The following SPHKAP variants were observed in gnomAD, a reference collection of about 807,000 sequenced individuals.
SPHKAP encodes A-kinase anchor protein SPHKAP.
SPHKAP carries 67 observed loss-of-function variants against 137.5 expected under a neutral mutation model. That is an observed-to-expected ratio of 0.49 (90% CI 0.40 to 0.60). SPHKAP has a LOEUF of 0.60. Among genes scored for constraint, SPHKAP ranks in the 20% least tolerant of loss-of-function variants. The pLI is 0.00. For synonymous variants in SPHKAP, 813 were observed against 785.3 expected (o/e 1.04, Z -0.59); for missense variants, 2,097 against 2,069.3 (o/e 1.01, Z -0.26).
At chr2:227,992,552 A>G (rs1055884381) in intron 9 of SPHKAP, among the ~76,000 whole-genome samples, 8 of 152,248 alleles carry the variant, frequency 5.3e-5, no homozygotes, top group Non-Finnish European at 1.0e-4. Context: ...AAAGAGAAAA[A>G]TAAATTTACC....
intron 7 of SPHKAP, among the ~76,000 whole-genome samples, chr2:228,010,628 T>G (rs1419933414): frequency 6.6e-6 from 1 of 152,186 alleles, no homozygotes; most frequent in East Asian, 1.9e-4. Flanking sequence ...CATTTATCTT[T>G]AAAGCTCTCT....
intron 3 of SPHKAP, among the ~76,000 whole-genome samples, chr2:228,098,254 A>G (rs540492769): frequency 1.2e-4 from 19 of 152,078 alleles, no homozygotes; most frequent in African/African-American, 4.6e-4. Context: ...GCATTTTTTC[A>G]TATATTTGTT....
intron 4 of SPHKAP, chr2:228,025,980 G>T (rs1485851541): frequency 4.6e-6 from 2 of 433,920 alleles, no homozygotes; most frequent in East Asian, 1.6e-4. Flanking sequence ...CCTGGTGGGA[G>T]ATGATTGGAT....
At chr2:227,988,854 A>G (rs547199643) in intron 11 of SPHKAP, among the ~76,000 whole-genome samples, 1 of 152,322 alleles carries the variant, frequency 6.6e-6, no homozygotes, top group South Asian at 2.1e-4. Context: ...AGGAGAATTT[A>G]TCAAATAGTG....
chr2:227,992,279 A>G (rs903214342), intron 9 of SPHKAP, among the ~76,000 whole-genome samples: 3 of 152,232 alleles, frequency 2.0e-5, no homozygotes, highest in East Asian at 1.9e-4. Context: ...GAGAAAGAGT[A>G]TAGTAATTCT....
chr2:228,014,061 T>C (rs1265784688), intron 7 of SPHKAP, among the ~76,000 whole-genome samples: 2 of 152,220 alleles, frequency 1.3e-5, no homozygotes, highest in Non-Finnish European at 2.9e-5. Flanking sequence ...CATTGAATTG[T>C]ACCTATTTTA....
chr2:228,089,501 G>C (rs1231713220), intron 3 of SPHKAP, among the ~76,000 whole-genome samples: 1 of 152,226 alleles, frequency 6.6e-6, no homozygotes, highest in East Asian at 1.9e-4. Flanking sequence ...AAGAATCCAA[G>C]CAGGCTGTGG....
rs4309571 is a variant in SPHKAP, at chr2:228,163,920, A to C, written c.32+17647T>G. On this transcript the variant is annotated intron_variant, in intron 1 of 11. Transcript: ENST00000392056. ...TTAGCTGTCAACTTGATTGGATTGA[A>C]AGATGCCTTGATGGCTGGTAGAGTA... 3.9e-3 allele frequency among the ~76,000 whole-genome samples: 599 copies of C among 152,230 alleles called. 3 individuals are homozygous for C. Among genetic ancestry groups the C allele is most frequent in the African/African-American group, 0.014 (561 of 41,542 alleles).
intron 6 of SPHKAP, 107 bp from the exon 7 acceptor site, chr2:228,020,263 C>A (rs1003561799): frequency 5.6e-6 from 8 of 1,427,854 alleles, no homozygotes; most frequent in South Asian, 5.6e-5. Context: ...AAGACACATG[C>A]ACACATATGT....
chr2:228,146,639 T>A lies in SPHKAP; in HGVS notation c.33-14554A>T, dbSNP rs139731243. On this transcript the variant is annotated intron_variant, in intron 1 of 11. Transcript: ENST00000392056. ...TGCATGTGTTCTCATCACTGATAAG[T>A]GAGAACATGCAGTATTTGGTTTTCT... 9.2e-5 allele frequency among the ~76,000 whole-genome samples: 14 copies of A among 152,356 alleles called. No individual in the cohort carries two copies. The East Asian group carries it at 2.5e-3, about 27-fold the overall frequency.
Position 228,019,754 on chromosome 2 carries a change from T to C in SPHKAP, c.1100A>G (p.Asn367Ser), listed in dbSNP as rs970066512. ...CAVAEQRSNL[N>S]PGDHEDTRNA... ...TCTTGTGTCTTCATGGTCTCCTGGG[T>C]TTAGGTTGCTTCTCTGCTCTGCCAC... Residue 367 changes from asparagine (N) to serine (S), a missense_variant, in exon 7 of 12, where the codon AAC becomes AGC. Coordinates refer to ENST00000392056, the MANE Select transcript of SPHKAP (RefSeq NM_001142644.2). 1 of 1,614,028 alleles carries C rather than the reference T, an allele frequency of 6.2e-7. No homozygotes were observed. The highest frequency in any genetic ancestry group is 1.7e-5 in the Admixed American group (1 of 59,996).
chr2:228,176,963 T>C (rs1447814226), intron 1 of SPHKAP, among the ~76,000 whole-genome samples: 1 of 152,146 alleles, frequency 6.6e-6, no homozygotes, highest in African/African-American at 2.4e-5. Flanking sequence ...TCCTTACAAT[T>C]ATTTGTAGCT....
At position 228,146,520 on chromosome 2, in the gene SPHKAP, G is replaced by A. The variant is rs528217704; in HGVS notation, c.33-14435C>T. Among the ~76,000 whole-genome samples, 88 of 152,210 alleles carry A rather than the reference G, an allele frequency of 5.8e-4. 1 individual carries two copies. The South Asian group carries it at 0.018, about 32-fold the overall frequency. On this transcript the variant is annotated intron_variant, in intron 1 of 11. Transcript: ENST00000392056. The stretch of plus-strand genomic sequence containing the variant: ...TGTGTACAGATTATTTCATCACCCA[G>A]GTATTAAGCCCAGCACCCAATAGTT...
chr2:228,131,096 C>T (rs1291196408), intron 2 of SPHKAP, among the ~76,000 whole-genome samples: 1 of 151,830 alleles, frequency 6.6e-6, no homozygotes, highest in Non-Finnish European at 1.5e-5. Flanking sequence ...ACTGGGTATA[C>T]ATATATATAT....
chr2:228,006,784 T>C lies in SPHKAP; in HGVS notation c.4448+9622A>G, dbSNP rs28855101. On this transcript the variant is annotated intron_variant, in intron 7 of 11. Coordinates refer to ENST00000392056, the MANE Select transcript of SPHKAP (RefSeq NM_001142644.2). The stretch of plus-strand genomic sequence containing the variant: ...GTCAGGACCCTCAGCTGCAGGTCTG[T>C]TGGAGTTTGCTGGAGGTCCACTCCA... Among the ~76,000 whole-genome samples, 490 of 152,324 alleles carry C rather than the reference T, an allele frequency of 3.2e-3. 9 individuals are homozygous for C. Among genetic ancestry groups the C allele is most frequent in the African/African-American group, 0.01 (428 of 41,582 alleles).
chr2:228,157,631 G>T (rs1206248380), intron 1 of SPHKAP, among the ~76,000 whole-genome samples: 1 of 151,868 alleles, frequency 6.6e-6, no homozygotes, highest in African/African-American at 2.4e-5. Flanking sequence ...GAGTCTATTT[G>T]TCTCATTGCA....
At chr2:228,152,982 G>T (rs1699981858) in intron 1 of SPHKAP, among the ~76,000 whole-genome samples, 1 of 152,108 alleles carries the variant, frequency 6.6e-6, no homozygotes, top group East Asian at 1.9e-4. Context: ...TGTTCTCGTG[G>T]TTTTAAGTCT....
At chr2:228,070,355 G>C (rs1048538928) in intron 3 of SPHKAP, among the ~76,000 whole-genome samples, 1 of 152,232 alleles carries the variant, frequency 6.6e-6, no homozygotes, top group Non-Finnish European at 1.5e-5. Flanking sequence ...GGATGAAGTA[G>C]AGGAGGCGGA....
intron 1 of SPHKAP, among the ~76,000 whole-genome samples, chr2:228,155,224 ATT>A (rs547576482): frequency 6.9e-6 from 1 of 144,746 alleles, no homozygotes. Flanking sequence ...ACCATTGTTC[ATT>A]TTTTTTTTTG....
Sources: gnomAD v4.1 joint callset for allele counts (sites outside exome capture counted in the v4.1 genomes callset) on GRCh38, gnomAD v4.1.1 for gene constraint, MANE v1.5 for transcripts, NCBI Gene and HGNC (gene_info 2026-07-23, HGNC 2026-07-21) for gene names.